Variants in CAPN14 observed in about 807,000 individuals in gnomAD.
CAPN14 encodes the protein calpain 14, also known as calpain-14.
A neutral mutation model predicts 101.3 loss-of-function variants in CAPN14; 94 were observed. The observed-to-expected ratio is 0.93, with a 90% CI of 0.79 to 1.10. The LOEUF is 1.10. Ranked by LOEUF, CAPN14 falls within the 50% of genes least tolerant of loss-of-function variation. The pLI is 0.00. For synonymous variants in CAPN14, 338 were observed against 317.9 expected, an observed-to-expected ratio of 1.06 and a Z score of -0.67; for missense variants, 837 against 828.4, an observed-to-expected ratio of 1.01 and a Z score of -0.13.
Position 31,180,925 on chromosome 2 carries a change from T to C in CAPN14, c.1710+11A>G. 1 of 1,551,176 alleles carries C rather than the reference T, an allele frequency of 6.4e-7. No homozygotes were observed. The highest frequency in any genetic ancestry group is 1.2e-5 in the South Asian group (1 of 84,018). On this transcript the variant is annotated intron_variant, in intron 17 of 21. Transcript: ENST00000403897. ...AACAGCAAGCATCCACCCACAAACC[T>C]GAAAGGATACGTCCAGTAAGGCCAG...
At chr2:31,224,749 G>A (rs1439324811) in intron 2 of CAPN14, among the ~76,000 whole-genome samples, 1 of 151,566 alleles carries the variant, frequency 6.6e-6, no homozygotes, top group African/African-American at 2.4e-5. Flanking sequence ...CAGTTAGAAG[G>A]TACCATAATA....
intron 17 of CAPN14, among the ~76,000 whole-genome samples, chr2:31,179,699 A>G (rs527445796): frequency 1.3e-4 from 20 of 152,288 alleles, no homozygotes; most frequent in African/African-American, 4.3e-4. Flanking sequence ...AATTGTTCCT[A>G]TTTATCCACA....
At chr2:31,179,063 TATATATA>T (rs1558610445) in intron 17 of CAPN14, among the ~76,000 whole-genome samples, 3,610 of 138,118 alleles carry the variant, frequency 0.026, 101 homozygotes, top group African/African-American at 0.059. Flanking sequence ...TTGAGTTCTA[TATATATA>T]TATATATATA....
chr2:31,191,249 A>C, intron 12 of CAPN14, 150 bp downstream of exon 12: 1 of 764,010 alleles, frequency 1.3e-6, no homozygotes, highest in East Asian at 2.7e-5. Context: ...TCATATACAC[A>C]CAGGCAGCGG....
upstream of CAPN14, among the ~76,000 whole-genome samples, chr2:31,221,024 T>C (rs1682847549): frequency 6.6e-6 from 1 of 152,112 alleles, no homozygotes. Flanking sequence ...AGAGGCTTTG[T>C]GGGGTAGCTC....
intron 1 of CAPN14, chr2:31,226,715 A>AC (rs1434989599): frequency 6.6e-6 from 1 of 152,186 alleles, no homozygotes; most frequent in Non-Finnish European, 1.5e-5. Context: ...TTTTGCACTG[A>AC]TCAAGCAGCT....
chr2:31,210,933 T>C (rs1267519808), intron 1 of CAPN14, among the ~76,000 whole-genome samples: 1 of 151,926 alleles, frequency 6.6e-6, no homozygotes, highest in Non-Finnish European at 1.5e-5. Flanking sequence ...TTCTTCTTTT[T>C]CACTAAACAG....
In CAPN14 at chr2:31,174,586, T is replaced by A; in HGVS notation, c.*95A>T. 3.8e-6 allele frequency: 5 copies of A among 1,324,120 alleles called. No homozygotes were observed. Among genetic ancestry groups the A allele is most frequent in the Non-Finnish European group, 5.3e-6 (5 of 943,916 alleles). 82.0% of individuals were successfully genotyped at this position (1,324,120 alleles called of 1,614,324 possible). A position where few individuals can be genotyped will look rare whatever the true frequency, so the allele number is the denominator to read the frequency against. The stretch of plus-strand genomic sequence containing the variant: ...ACGGCTAGTGAGGCTGTCCTGAAGA[T>A]CAGTAAGTAGGGTGGGCATGGGTTG... On this transcript the variant is annotated 3_prime_UTR_variant, in exon 22 of 22. Transcript: ENST00000403897.
chr2:31,185,452 C>T (rs577657709), intron 16 of CAPN14, among the ~76,000 whole-genome samples: 1 of 152,300 alleles, frequency 6.6e-6, no homozygotes, highest in East Asian at 1.9e-4. Context: ...TCTCATAGGA[C>T]TAAATGAAAG....
intron 17 of CAPN14, 21 bp from the exon 18 acceptor site, chr2:31,178,600 A>C: frequency 2.0e-6 from 3 of 1,487,396 alleles, no homozygotes; most frequent in African/African-American, 1.4e-5. Flanking sequence ...GGTTAAGGTA[A>C]AAGCTTCCAG....
At chr2:31,199,424 G>A (rs1307031642) in intron 7 of CAPN14, 46 bp downstream of exon 7, 1 of 1,481,954 alleles carries the variant, frequency 6.7e-7, no homozygotes, top group Non-Finnish European at 9.2e-7. Flanking sequence ...TCCAGAGAGG[G>A]AAGGGCAAGG....
intron 7 of CAPN14, among the ~76,000 whole-genome samples, chr2:31,198,323 C>A (rs2148687088): frequency 6.7e-6 from 1 of 148,290 alleles, no homozygotes; most frequent in East Asian, 2.1e-4. Flanking sequence ...TGATTGATGT[C>A]TCATGTCTCC....
chr2:31,195,064 A>G (rs1225431592), intron 8 of CAPN14, among the ~76,000 whole-genome samples: 1 of 152,192 alleles, frequency 6.6e-6, no homozygotes, highest in Admixed American at 6.5e-5. Context: ...GGGACTCAAA[A>G]AAAGAACATA....
intron 1 of CAPN14, among the ~76,000 whole-genome samples, chr2:31,211,423 C>G (rs1682397422): frequency 6.6e-6 from 1 of 151,900 alleles, no homozygotes; most frequent in Non-Finnish European, 1.5e-5. Context: ...TATACAGAAA[C>G]TCGGTGGTAT....
chr2:31,186,523 T>C lies in CAPN14; in HGVS notation c.1588-38A>G, dbSNP rs145817869. Reference sequence around the variant, plus strand: ...CAGATTGGCAAGAAAAAATAACTGTTACTGAAGGCTCATTAGATGGCAGAG... The same window carrying C: ...CAGATTGGCAAGAAAAAATAACTGTCACTGAAGGCTCATTAGATGGCAGAG... On this transcript the variant is annotated intron_variant, in intron 15 of 21. Transcript: ENST00000403897. 6.7e-4 allele frequency: 992 copies of C among 1,481,206 alleles called. 3 individuals are homozygous for C. The African/African-American group carries it at 9.4e-3, about 14-fold the overall frequency. 91.8% of individuals were successfully genotyped at this position (1,481,206 alleles called of 1,614,324 possible).
chr2:31,183,490 GA>G (rs1353216094), intron 16 of CAPN14, among the ~76,000 whole-genome samples: 1 of 151,846 alleles, frequency 6.6e-6, no homozygotes, highest in African/African-American at 2.4e-5. Context: ...AAATTTACAA[GA>G]AAAAAACAAA....
intron 20 of CAPN14, 123 bp downstream of exon 20, chr2:31,176,903 G>T: frequency 3.9e-6 from 3 of 763,874 alleles, no homozygotes; most frequent in Non-Finnish European, 4.4e-6. Flanking sequence ...GGTCCCCACA[G>T]CTTCCCTGGT....
At chr2:31,196,342 G>A (rs1681469795) in intron 8 of CAPN14, among the ~76,000 whole-genome samples, 1 of 152,166 alleles carries the variant, frequency 6.6e-6, no homozygotes. Context: ...ACCGCCACCA[G>A]CAACAATATG....
intron 7 of CAPN14, among the ~76,000 whole-genome samples, chr2:31,199,152 G>T (rs1681623735): frequency 6.6e-6 from 1 of 152,194 alleles, no homozygotes; most frequent in Non-Finnish European, 1.5e-5. Context: ...AAATTTGGGA[G>T]GGAAGAACCA....
Sources: allele counts gnomAD v4.1 joint callset (sites outside exome capture counted in the v4.1 genomes callset), GRCh38; gene constraint gnomAD v4.1.1; transcripts MANE v1.5; gene names NCBI Gene and HGNC (gene_info 2026-07-23, HGNC 2026-07-21).